RBFOX3: variants seen among roughly 807,000 people sequenced by gnomAD.
The protein encoded by RBFOX3 is RNA binding fox-1 homolog 3.
RBFOX3 carries 17 observed loss-of-function variants against 48.7 expected under a neutral mutation model. The observed-to-expected ratio is 0.35, with a 90% CI of 0.24 to 0.52. RBFOX3 has a LOEUF of 0.52. Among genes scored for constraint, RBFOX3 ranks in the 20% least tolerant of loss-of-function variants. RBFOX3 has a pLI of 0.94. For synonymous variants in RBFOX3, 212 were observed against 209.5 expected, an observed-to-expected ratio of 1.01 and a Z score of -0.10; for missense variants, 382 against 497.5, an observed-to-expected ratio of 0.77 and a Z score of 2.21.
chr17:79,165,864 G>A (rs958076125), intron 4 of RBFOX3, among the ~76,000 whole-genome samples: 2 of 152,238 alleles, frequency 1.3e-5, no homozygotes, highest in African/African-American at 2.4e-5. Flanking sequence ...GATACCATGA[G>A]ACGCCCTGAG....
intron 2 of RBFOX3, among the ~76,000 whole-genome samples, chr17:79,475,317 C>T (rs1465856892): frequency 6.6e-6 from 1 of 152,112 alleles, no homozygotes; most frequent in Non-Finnish European, 1.5e-5. Context: ...GCCTGCATAC[C>T]TTCTTATCAT....
chr17:79,555,063 G>T (rs1317327194), intron 1 of RBFOX3, among the ~76,000 whole-genome samples: 3 of 152,242 alleles, frequency 2.0e-5, no homozygotes, highest in Non-Finnish European at 4.4e-5. Flanking sequence ...GCAGACTTGA[G>T]TTGGAATCAG....
chr17:79,387,791 G>A (rs2060764987), intron 2 of RBFOX3, among the ~76,000 whole-genome samples: 1 of 152,250 alleles, frequency 6.6e-6, no homozygotes, highest in Non-Finnish European at 1.5e-5. Flanking sequence ...TGGAGTTCAA[G>A]GGAAGAGCCC....
At chr17:79,636,088 T>C in the RBFOX3 span, among the ~76,000 whole-genome samples, 6 of 152,254 alleles carry the variant, frequency 3.9e-5, no homozygotes, top group East Asian at 1.2e-3. Flanking sequence ...CCCTGACAAG[T>C]AAGCCAAGGT....
chr17:79,592,358 T>C (rs1409201890), intron 1 of RBFOX3, among the ~76,000 whole-genome samples: 1 of 151,500 alleles, frequency 6.6e-6, no homozygotes, highest in Non-Finnish European at 1.5e-5. Context: ...TGTAAATGAG[T>C]GCATGTGTGT....
intron 4 of RBFOX3, among the ~76,000 whole-genome samples, chr17:79,158,031 A>G (rs1341363641): frequency 6.6e-6 from 1 of 152,220 alleles, no homozygotes; most frequent in Admixed American, 6.5e-5. Flanking sequence ...GGACCTTTAA[A>G]GAGGTGATTA....
chr17:79,488,045 C>A (rs1225734783), intron 1 of RBFOX3, among the ~76,000 whole-genome samples: 1 of 152,084 alleles, frequency 6.6e-6, no homozygotes, highest in Admixed American at 6.6e-5. Flanking sequence ...AATGAACTTC[C>A]CATTCTACAT....
chr17:79,508,539 G>T (rs953275369), intron 1 of RBFOX3, among the ~76,000 whole-genome samples: 3 of 152,124 alleles, frequency 2.0e-5, no homozygotes, highest in Non-Finnish European at 4.4e-5. Context: ...CTGCAGCACC[G>T]CGCTGGCTCG....
chr17:79,449,114 C>T (rs569926840), intron 2 of RBFOX3, among the ~76,000 whole-genome samples: 1 of 152,230 alleles, frequency 6.6e-6, no homozygotes, highest in South Asian at 2.1e-4. Flanking sequence ...TAGTCCCTTA[C>T]CACAGAGAGG....
At chr17:79,207,724 G>T (rs2057708353) in intron 4 of RBFOX3, among the ~76,000 whole-genome samples, 1 of 152,172 alleles carries the variant, frequency 6.6e-6, no homozygotes, top group Non-Finnish European at 1.5e-5. Flanking sequence ...CTCTGGGGAG[G>T]ACTGGCCTTC....
chr17:79,365,946 G>A (rs919104349), intron 2 of RBFOX3, among the ~76,000 whole-genome samples: 2 of 152,226 alleles, frequency 1.3e-5, no homozygotes, highest in East Asian at 1.9e-4. Flanking sequence ...CACCAAAGAC[G>A]CCATCAGCGT....
intron 4 of RBFOX3, among the ~76,000 whole-genome samples, chr17:79,145,841 G>T (rs1182938863): frequency 6.6e-6 from 1 of 152,192 alleles, no homozygotes; most frequent in African/African-American, 2.4e-5. Context: ...CTGGGGACAG[G>T]GTAGGTCAGC....
chr17:79,319,537 T>G, intron 2 of RBFOX3, among the ~76,000 whole-genome samples: 1 of 152,202 alleles, frequency 6.6e-6, no homozygotes, highest in South Asian at 2.1e-4. Flanking sequence ...TCTGGGCTGC[T>G]GGGCTATGTC....
chr17:79,399,393 G>A (rs1450283361), intron 2 of RBFOX3, among the ~76,000 whole-genome samples: 2 of 152,176 alleles, frequency 1.3e-5, no homozygotes, highest in East Asian at 1.9e-4. Context: ...CACGGCTCGC[G>A]CTTCTGATTA....
chr17:79,611,181 CCT>C (rs1568454663), upstream of RBFOX3, among the ~76,000 whole-genome samples: 59 of 5,216 alleles, frequency 0.011, 1 homozygote, highest in African/African-American at 0.039. Flanking sequence ...TCTCCGCCCT[CCT>C]TCTCTCTCTC....
chr17:79,167,769 C>G (rs1031415880), intron 4 of RBFOX3, among the ~76,000 whole-genome samples: 3 of 152,214 alleles, frequency 2.0e-5, no homozygotes, highest in Admixed American at 2.0e-4. Flanking sequence ...TACCTGGGGT[C>G]CAGGGCACCC....
intron 3 of RBFOX3, among the ~76,000 whole-genome samples, chr17:79,289,085 C>A (rs1319268109): frequency 1.3e-5 from 2 of 152,158 alleles, no homozygotes; most frequent in Non-Finnish European, 2.9e-5. Flanking sequence ...GTGACCTCAC[C>A]AGAACCTGTC....
At chr17:79,503,614 G>A (rs1299897561) in intron 1 of RBFOX3, among the ~76,000 whole-genome samples, 4 of 152,156 alleles carry the variant, frequency 2.6e-5, no homozygotes, top group South Asian at 4.1e-4. Flanking sequence ...CCAGCTCCAC[G>A]GCTGCGTGTG....
intron 4 of RBFOX3, among the ~76,000 whole-genome samples, chr17:79,181,867 C>G (rs138338487): frequency 1.2e-3 from 185 of 152,208 alleles, no homozygotes; most frequent in African/African-American, 3.7e-3. Flanking sequence ...CCTTAAACCA[C>G]CTTCTATAGC....
Sources: allele counts gnomAD v4.1 joint callset (sites outside exome capture counted in the v4.1 genomes callset), GRCh38; gene constraint gnomAD v4.1.1; transcripts MANE v1.5; gene names NCBI Gene and HGNC (gene_info 2026-07-23, HGNC 2026-07-21).